Variants in EDIL3 observed in about 807,000 individuals in gnomAD.
The protein encoded by EDIL3 is EGF like and discoidin domains 3.
EDIL3 carries 37 observed loss-of-function variants against 67.4 expected under a neutral mutation model. The observed-to-expected ratio is 0.55, with a 90% CI of 0.42 to 0.72. EDIL3 has a LOEUF of 0.72. EDIL3 is among the 30% of genes least tolerant of loss of function. EDIL3 has a pLI of 0.00. For synonymous variants in EDIL3, 195 were observed against 196.3 expected, an observed-to-expected ratio of 0.99 and a Z score of 0.05; for missense variants, 527 against 586.3, an observed-to-expected ratio of 0.90 and a Z score of 1.04.
chr5:84,378,181 T>C (rs1375558868), intron 1 of EDIL3, among the ~76,000 whole-genome samples: 1 of 152,232 alleles, frequency 6.6e-6, no homozygotes, highest in Non-Finnish European at 1.5e-5. Flanking sequence ...TTCAGATATC[T>C]AGCTATTTCA....
chr5:84,177,542 A>C (rs570357650), intron 4 of EDIL3, among the ~76,000 whole-genome samples: 1 of 152,276 alleles, frequency 6.6e-6, no homozygotes, highest in East Asian at 1.9e-4. Flanking sequence ...ATCCCACAGA[A>C]CTATACAATA....
chr5:84,254,027 C>T (rs1215428178), intron 2 of EDIL3, 57 bp downstream of exon 2: 23 of 1,522,082 alleles, frequency 1.5e-5, no homozygotes, highest in Non-Finnish European at 1.9e-5. Context: ...AGCCAAACTG[C>T]CATTTATTCA....
chr5:84,014,166 G>A (rs1267065369), intron 9 of EDIL3, among the ~76,000 whole-genome samples: 1 of 152,102 alleles, frequency 6.6e-6, no homozygotes, highest in Non-Finnish European at 1.5e-5. Flanking sequence ...TTTTGGAGCT[G>A]GCATTGTATA....
intron 3 of EDIL3, among the ~76,000 whole-genome samples, chr5:84,203,127 C>T (rs1463027549): frequency 1.3e-5 from 2 of 152,048 alleles, no homozygotes; most frequent in Non-Finnish European, 2.9e-5. Context: ...TTGTTCATGT[C>T]GAATGCTCCA....
chr5:84,219,129 C>T (rs1272429899), intron 3 of EDIL3, among the ~76,000 whole-genome samples: 1 of 152,138 alleles, frequency 6.6e-6, no homozygotes, highest in African/African-American at 2.4e-5. Context: ...GTGTCACCCC[C>T]TCCCCCAGCT....
chr5:84,323,000 A>G (rs1480443124), intron 1 of EDIL3, among the ~76,000 whole-genome samples: 3 of 152,008 alleles, frequency 2.0e-5, no homozygotes, highest in African/African-American at 7.2e-5. Context: ...ATTGACACAT[A>G]TCCAGATCAA....
intron 4 of EDIL3, among the ~76,000 whole-genome samples, chr5:84,151,850 G>A (rs768700545): frequency 6.6e-6 from 1 of 150,726 alleles, no homozygotes; most frequent in African/African-American, 2.4e-5. Context: ...TCAAGAGATT[G>A]TAATTTTCAT....
At chr5:84,238,984 G>C (rs1159803101) in intron 2 of EDIL3, among the ~76,000 whole-genome samples, 1 of 151,970 alleles carries the variant, frequency 6.6e-6, no homozygotes, top group African/African-American at 2.4e-5. Flanking sequence ...CCTTCTAACA[G>C]ATCCAATCTG....
chr5:84,204,829 A>T (rs887819260), intron 3 of EDIL3, among the ~76,000 whole-genome samples: 3 of 149,592 alleles, frequency 2.0e-5, no homozygotes, highest in African/African-American at 7.4e-5. Context: ...AAAAGGCCAC[A>T]TGACCTAAAA....
intron 5 of EDIL3, among the ~76,000 whole-genome samples, chr5:84,128,561 GT>G (rs1487561209): frequency 2.0e-5 from 3 of 152,050 alleles, no homozygotes; most frequent in African/African-American, 4.8e-5. Context: ...TAACAGAGAG[GT>G]TTTTTTGTGT....
intron 3 of EDIL3, among the ~76,000 whole-genome samples, chr5:84,204,194 A>T (rs1038799492): frequency 2.0e-5 from 3 of 152,212 alleles, no homozygotes; most frequent in Non-Finnish European, 2.9e-5. Flanking sequence ...GAAAGTTGTT[A>T]TCAGTTTCCA....
chr5:84,101,466 A>G (rs1561431768), intron 6 of EDIL3, among the ~76,000 whole-genome samples: 1 of 152,092 alleles, frequency 6.6e-6, no homozygotes, highest in Non-Finnish European at 1.5e-5. Flanking sequence ...AAAGGAGAAA[A>G]GGGAGAAGAT....
intron 6 of EDIL3, among the ~76,000 whole-genome samples, chr5:84,085,491 G>A (rs762497712): frequency 6.6e-6 from 1 of 152,140 alleles, no homozygotes; most frequent in African/African-American, 2.4e-5. Flanking sequence ...TGTTCACCTG[G>A]GTATCATCAC....
intron 1 of EDIL3, among the ~76,000 whole-genome samples, chr5:84,268,010 G>T (rs1745383917): frequency 6.6e-6 from 1 of 152,146 alleles, no homozygotes; most frequent in Admixed American, 6.5e-5. Flanking sequence ...GGCTGCGTGT[G>T]CCTGTAGTCC....
At chr5:84,227,892 T>C (rs1006351459) in intron 3 of EDIL3, among the ~76,000 whole-genome samples, 2 of 151,982 alleles carry the variant, frequency 1.3e-5, no homozygotes, top group South Asian at 4.1e-4. Context: ...GATGTAAACC[T>C]GGGAACAATA....
At chr5:83,968,373 TCAA>T (rs1240136952) in intron 9 of EDIL3, among the ~76,000 whole-genome samples, 1 of 152,084 alleles carries the variant, frequency 6.6e-6, no homozygotes, top group Admixed American at 6.6e-5. Context: ...ATTTTAATTT[TCAA>T]CAACATTTTA....
At chr5:84,039,575 C>A (rs1467765043) in intron 9 of EDIL3, among the ~76,000 whole-genome samples, 1 of 152,014 alleles carries the variant, frequency 6.6e-6, no homozygotes, top group African/African-American at 2.4e-5. Flanking sequence ...TATCTATTGA[C>A]CGAAAATCAT....
At chr5:84,324,891 TAAG>T (rs1746724856) in intron 1 of EDIL3, among the ~76,000 whole-genome samples, 1 of 150,528 alleles carries the variant, frequency 6.6e-6, no homozygotes, top group South Asian at 2.1e-4. Context: ...CTATAATTGG[TAAG>T]AAGATTTAAT....
rs1464847815 is a variant in EDIL3 at position 83,976,297 on chromosome 5, T to C, written c.1138-12937A>G. 3.3e-5 allele frequency among the ~76,000 whole-genome samples: 5 copies of C among 151,966 alleles called. No individual in the cohort carries two copies. In the East Asian group the frequency reaches 7.8e-4, roughly 24 times the overall value. Reference sequence around the variant, plus strand: ...AGAAATATCCTTGTTGTTTGGGAGATTGAAAGGTAAACTGTCAAGACTAAT... The same window carrying C: ...AGAAATATCCTTGTTGTTTGGGAGACTGAAAGGTAAACTGTCAAGACTAAT... On this transcript the variant is annotated intron_variant, in intron 9 of 10. Coordinates refer to ENST00000296591, the MANE Select transcript of EDIL3 (RefSeq NM_005711.5).
Sources: gnomAD v4.1 joint callset for allele counts (sites outside exome capture counted in the v4.1 genomes callset) on GRCh38, gnomAD v4.1.1 for gene constraint, MANE v1.5 for transcripts, NCBI Gene and HGNC (gene_info 2026-07-23, HGNC 2026-07-21) for gene names.